NTM: variants seen among roughly 807,000 people sequenced by gnomAD.
The protein encoded by NTM is neurotrimin.
In NTM, 13 loss-of-function variants were observed where a neutral mutation model predicts 42.1. The ratio of observed to expected loss-of-function variants is 0.31; its 90% CI spans 0.20 to 0.49. The LOEUF is 0.49. Among genes scored for constraint, NTM ranks in the 20% least tolerant of loss-of-function variants. The pLI, the probability that NTM is intolerant of heterozygous loss-of-function variation, is 0.99. For synonymous variants in NTM, 187 were observed against 179.2 expected (o/e 1.04, Z -0.35); for missense variants, 373 against 452.8 (o/e 0.82, Z 1.60).
At chr11:131,501,613 A>G (rs773812561) in intron 1 of NTM, among the ~76,000 whole-genome samples, 2 of 152,170 alleles carry the variant, frequency 1.3e-5, no homozygotes, top group African/African-American at 2.4e-5. Flanking sequence ...AGAGAGACCA[A>G]TGACAATATT....
At chr11:131,633,356 C>T (rs1040182409) in intron 1 of NTM, among the ~76,000 whole-genome samples, 2 of 152,140 alleles carry the variant, frequency 1.3e-5, no homozygotes, top group Middle Eastern at 3.2e-3. Flanking sequence ...GTCTTGTGTA[C>T]TGAATTGAAA....
intron 1 of NTM, among the ~76,000 whole-genome samples, chr11:131,772,044 T>C (rs1266702338): frequency 6.6e-6 from 1 of 152,226 alleles, no homozygotes; most frequent in Non-Finnish European, 1.5e-5. Context: ...ATGTTGCTTT[T>C]CTACTGCCAT....
At chr11:132,170,607 T>A (rs991565336) in intron 3 of NTM, among the ~76,000 whole-genome samples, 1 of 152,182 alleles carries the variant, frequency 6.6e-6, no homozygotes, top group Non-Finnish European at 1.5e-5. Flanking sequence ...AAGTTATAGG[T>A]CAAAATGGCT....
intron 1 of NTM, among the ~76,000 whole-genome samples, chr11:131,450,730 A>G (rs1950417131): frequency 6.6e-6 from 1 of 152,196 alleles, no homozygotes; most frequent in South Asian, 2.1e-4. Context: ...GTGGTTCTTA[A>G]TAGAGATTAT....
chr11:131,649,186 C>T (rs1196712695), intron 1 of NTM, among the ~76,000 whole-genome samples: 1 of 152,164 alleles, frequency 6.6e-6, no homozygotes, highest in African/African-American at 2.4e-5. Flanking sequence ...TTCCCCAGAT[C>T]CTAAGCAATA....
At chr11:131,456,529 G>T (rs767304504) in intron 1 of NTM, among the ~76,000 whole-genome samples, 3 of 152,202 alleles carry the variant, frequency 2.0e-5, no homozygotes, top group Non-Finnish European at 4.4e-5. Flanking sequence ...CAGAAAGCCA[G>T]TGTGGCTCTT....
chr11:131,448,170 G>C (rs1197724880), intron 1 of NTM, among the ~76,000 whole-genome samples: 2 of 152,208 alleles, frequency 1.3e-5, no homozygotes, highest in Non-Finnish European at 1.5e-5. Context: ...CACGAGGAAG[G>C]AGCTCAACAG....
At chr11:132,097,584 T>C (rs996803831) in intron 2 of NTM, among the ~76,000 whole-genome samples, 1 of 152,270 alleles carries the variant, frequency 6.6e-6, no homozygotes, top group Non-Finnish European at 1.5e-5. Flanking sequence ...ACTTCTATTG[T>C]GTTGACATAA....
intron 2 of NTM, among the ~76,000 whole-genome samples, chr11:132,115,900 C>A (rs536965418): frequency 8.7e-4 from 132 of 152,302 alleles, no homozygotes; most frequent in Admixed American, 3.9e-3. Context: ...TCTATTGGGG[C>A]AAATAAGCAA....
intron 2 of NTM, among the ~76,000 whole-genome samples, chr11:132,112,306 T>G (rs569158453): frequency 4.6e-5 from 7 of 152,326 alleles, no homozygotes; most frequent in Admixed American, 2.6e-4. Flanking sequence ...TTATTCAGCC[T>G]AGTTCTCTTC....
At chr11:131,830,804 T>G (rs1383283886) in intron 1 of NTM, among the ~76,000 whole-genome samples, 2 of 152,236 alleles carry the variant, frequency 1.3e-5, no homozygotes, top group African/African-American at 4.8e-5. Flanking sequence ...TCTGTGAGCA[T>G]GGACTGTTTT....
intron 2 of NTM, among the ~76,000 whole-genome samples, chr11:131,983,568 G>T (rs2065609966): frequency 6.6e-6 from 1 of 151,918 alleles, no homozygotes; most frequent in African/African-American, 2.4e-5. Flanking sequence ...TAGAGATGGG[G>T]TTTCACCACG....
At chr11:131,913,248 T>C (rs642689) in intron 2 of NTM, among the ~76,000 whole-genome samples, 119,553 of 152,176 alleles carry the variant, frequency 0.79, 47,317 homozygotes, top group African/African-American at 0.87. Context: ...CTGGATGCCC[T>C]CTTTGTCCCT....
chr11:131,891,903 T>C (rs1193858656), intron 1 of NTM, among the ~76,000 whole-genome samples: 2 of 152,230 alleles, frequency 1.3e-5, no homozygotes, highest in Non-Finnish European at 2.9e-5. Flanking sequence ...CCTTTTGCCC[T>C]TTGTAAATTA....
chr11:132,139,262 G>A (rs2068606097), intron 2 of NTM, among the ~76,000 whole-genome samples: 1 of 152,166 alleles, frequency 6.6e-6, no homozygotes, highest in Admixed American at 6.5e-5. Flanking sequence ...CCTTGCCCAG[G>A]TTACCTTTTG....
chr11:132,084,574 A>T (rs1020031497), intron 2 of NTM, among the ~76,000 whole-genome samples: 5 of 152,190 alleles, frequency 3.3e-5, no homozygotes, highest in Non-Finnish European at 5.9e-5. Flanking sequence ...AAGCCTGTTA[A>T]ATATGGTAGA....
chr11:131,781,114 A>G (rs1292625885), intron 1 of NTM, among the ~76,000 whole-genome samples: 24 of 152,156 alleles, frequency 1.6e-4, no homozygotes, highest in Admixed American at 1.6e-3. Flanking sequence ...ATGTAACTGC[A>G]GACTGATTTT....
At chr11:132,108,272 G>T (rs1431097782) in intron 2 of NTM, among the ~76,000 whole-genome samples, 2 of 152,184 alleles carry the variant, frequency 1.3e-5, no homozygotes, top group African/African-American at 4.8e-5. Flanking sequence ...GACAATAGCT[G>T]CATGAGCCTC....
chr11:131,720,384 T>C (rs1353171263), intron 1 of NTM, among the ~76,000 whole-genome samples: 1 of 152,160 alleles, frequency 6.6e-6, no homozygotes, highest in Non-Finnish European at 1.5e-5. Flanking sequence ...CTATAATTAG[T>C]GTATTCTGTG....
Sources: allele counts gnomAD v4.1 joint callset (sites outside exome capture counted in the v4.1 genomes callset), GRCh38; gene constraint gnomAD v4.1.1; transcripts MANE v1.5; gene names NCBI Gene and HGNC (gene_info 2026-07-23, HGNC 2026-07-21).